Variants in DENND1A observed in about 807,000 individuals in gnomAD.
The protein encoded by DENND1A is DENN domain-containing protein 1A.
In DENND1A, 51 loss-of-function variants were observed where a neutral mutation model predicts 113.7. That is an observed-to-expected ratio of 0.45 (90% CI 0.36 to 0.57). The LOEUF (loss-of-function observed/expected upper bound fraction) is 0.57, where lower values mean the gene tolerates loss of function less well. DENND1A is among the 20% of genes least tolerant of loss of function. DENND1A has a pLI of 0.00. For synonymous variants in DENND1A, 565 were observed against 570.8 expected (o/e 0.99, Z 0.14); for missense variants, 1,258 against 1,395.9 (o/e 0.90, Z 1.57).
intron 1 of DENND1A, among the ~76,000 whole-genome samples, chr9:123,888,049 A>G (rs919345866): frequency 2.0e-5 from 3 of 152,210 alleles, no homozygotes; most frequent in Non-Finnish European, 1.5e-5. Context: ...CCCAACAGCA[A>G]TGAGCACACC....
chr9:123,824,019 C>G (rs370181994), intron 2 of DENND1A, among the ~76,000 whole-genome samples: 41 of 152,294 alleles, frequency 2.7e-4, no homozygotes, highest in African/African-American at 8.9e-4. Context: ...AACATCAGAA[C>G]TGAAATCTGG....
chr9:123,750,277 C>T lies in DENND1A; in HGVS notation c.302+7426G>A, dbSNP rs2131291762. 3.3e-5 allele frequency among the ~76,000 whole-genome samples: 5 copies of T among 152,316 alleles called. No individual in the cohort carries two copies. In the South Asian group the frequency reaches 1.0e-3, roughly 32 times the overall value. On this transcript the variant is annotated intron_variant, in intron 5 of 23. Transcript: ENST00000394215. ...TTACTATTGTTGAGTTGTGGCTCCCCAGAGGATTATATATGTTTCTAAGTA... is the reference window on the plus strand; with the variant it reads ...TTACTATTGTTGAGTTGTGGCTCCCTAGAGGATTATATATGTTTCTAAGTA...
chr9:123,608,304 AGT>A (rs2060261305), intron 11 of DENND1A, among the ~76,000 whole-genome samples: 1 of 152,224 alleles, frequency 6.6e-6, no homozygotes, highest in African/African-American at 2.4e-5. Context: ...ACAATAGCAC[AGT>A]GTGCAACAGT....
intron 3 of DENND1A, among the ~76,000 whole-genome samples, chr9:123,777,247 G>A (rs1223280602): frequency 6.6e-6 from 1 of 152,164 alleles, no homozygotes; most frequent in African/African-American, 2.4e-5. Flanking sequence ...TGGAGTATTG[G>A]AAGCCCCAGC....
intron 13 of DENND1A, among the ~76,000 whole-genome samples, chr9:123,521,376 T>C (rs2054381710): frequency 6.6e-6 from 1 of 152,318 alleles, no homozygotes; most frequent in South Asian, 2.1e-4. Context: ...TTTGGATTTT[T>C]ATCTTGGCTC....
chr9:123,508,670 T>C (rs2053181984), intron 13 of DENND1A, among the ~76,000 whole-genome samples: 1 of 152,220 alleles, frequency 6.6e-6, no homozygotes, highest in South Asian at 2.1e-4. Flanking sequence ...AAAGTGAACG[T>C]GGCATGAACA....
Position 123,764,382 on chromosome 9 carries a change from G to C in DENND1A, c.182+5132C>G, listed in dbSNP as rs1392154378. Reference sequence around the variant, plus strand: ...TAACAGACACTTTTCCTTTCCTTCAGTGCGTATGAGGCATGAGGCAGGAAT... The same window carrying C: ...TAACAGACACTTTTCCTTTCCTTCACTGCGTATGAGGCATGAGGCAGGAAT... On this transcript the variant is annotated intron_variant, in intron 4 of 23. Transcript: ENST00000394215. This position sits in a 1 kb window ranked among gnomAD's most constrained non-coding sequence, Gnocchi z 4.1. Among the ~76,000 whole-genome samples the C allele has an allele frequency of 6.6e-6, 1 of 152,158 alleles. No homozygotes were observed. The highest frequency in any genetic ancestry group is 6.5e-5 in the Admixed American group (1 of 15,274).
Position 123,637,797 on chromosome 9 carries a change from G to A in DENND1A, c.619-7321C>T, listed in dbSNP as rs2061781965. Among the ~76,000 whole-genome samples, 2 of 152,120 alleles carry A rather than the reference G, an allele frequency of 1.3e-5. 1 individual carries two copies. The highest frequency in any genetic ancestry group is 2.9e-5 in the Non-Finnish European group (2 of 68,002). Reference sequence around the variant, plus strand: ...TTCTTAGCAGCTGAAATGCAGGGCTGCTTTTCAGGGGGTAATGGCAACAAT... The same window carrying A: ...TTCTTAGCAGCTGAAATGCAGGGCTACTTTTCAGGGGGTAATGGCAACAAT... On this transcript the variant is annotated intron_variant, in intron 9 of 23. Coordinates refer to ENST00000394215, the MANE Select transcript of DENND1A (RefSeq NM_001352964.2).
chr9:123,382,093 C>A lies in DENND1A; in HGVS notation c.2552G>T (p.Ser851Ile). 6.5e-7 allele frequency: 1 copy of A among 1,546,916 alleles called. No individual in the cohort carries two copies. Among genetic ancestry groups the A allele is most frequent in the Non-Finnish European group, 8.7e-7 (1 of 1,147,828 alleles). The change falls in exon 24 of 24, where the codon AGC (serine) becomes ATC (isoleucine). Residue 851 changes from serine to isoleucine, a missense_variant. Ser to Ile is a moderately radical substitution (Grantham distance 142). Coordinates refer to ENST00000394215, the MANE Select transcript of DENND1A (RefSeq NM_001352964.2). ...DALLALLDPL[S>I]TAWSGSTLPS... ...GAGGGTGCTGCCTGACCAGGCTGTG[C>A]TGAGCGGGTCCAGGAGGGCGAGCAG...
intron 20 of DENND1A, among the ~76,000 whole-genome samples, chr9:123,408,160 C>G (rs1262263426): frequency 6.6e-6 from 1 of 152,164 alleles, no homozygotes; most frequent in Non-Finnish European, 1.5e-5. Flanking sequence ...TTTGTGGCTA[C>G]GTGACCCAGC....
At chr9:123,775,171 A>G (rs749310305) in intron 3 of DENND1A, among the ~76,000 whole-genome samples, 2 of 152,222 alleles carry the variant, frequency 1.3e-5, no homozygotes, top group Non-Finnish European at 2.9e-5. Flanking sequence ...TTATAAGGTC[A>G]GCATGAAATG....
intron 13 of DENND1A, among the ~76,000 whole-genome samples, chr9:123,470,558 C>T (rs2049325290): frequency 6.6e-6 from 1 of 152,162 alleles, no homozygotes; most frequent in Non-Finnish European, 1.5e-5. Flanking sequence ...CCTAGAGCAA[C>T]AGAATCTATC....
chr9:123,883,028 C>A (rs532357987), intron 1 of DENND1A, among the ~76,000 whole-genome samples: 1 of 152,346 alleles, frequency 6.6e-6, no homozygotes, highest in South Asian at 2.1e-4. Flanking sequence ...CAATGACCTT[C>A]TTTCTGCTCC....
At chr9:123,801,153 T>A (rs1487818568) in intron 2 of DENND1A, among the ~76,000 whole-genome samples, 1 of 152,226 alleles carries the variant, frequency 6.6e-6, no homozygotes, top group Non-Finnish European at 1.5e-5. Flanking sequence ...ACTTTTGTTG[T>A]TGTAGTAAAA....
At chr9:123,750,862 G>A (rs751044567) in intron 5 of DENND1A, among the ~76,000 whole-genome samples, 1 of 152,126 alleles carries the variant, frequency 6.6e-6, no homozygotes, top group Non-Finnish European at 1.5e-5. Flanking sequence ...GTACCCTCGG[G>A]CGAGACAACC....
intron 13 of DENND1A, among the ~76,000 whole-genome samples, chr9:123,525,114 G>T (rs2054712914): frequency 6.6e-6 from 1 of 152,202 alleles, no homozygotes; most frequent in South Asian, 2.1e-4. Context: ...CTCCGAAAAA[G>T]GAGGAGACGT....
chr9:123,456,393 A>T (rs1474271672), intron 15 of DENND1A, among the ~76,000 whole-genome samples: 1 of 152,242 alleles, frequency 6.6e-6, no homozygotes, highest in African/African-American at 2.4e-5. Flanking sequence ...GGGATTCAGG[A>T]GGTAGACTCA....
At chr9:123,497,439 C>A (rs1443318100) in intron 13 of DENND1A, among the ~76,000 whole-genome samples, 1 of 152,112 alleles carries the variant, frequency 6.6e-6, no homozygotes, top group Non-Finnish European at 1.5e-5. Flanking sequence ...CAGCTCAGCT[C>A]CCCAAGTAGC....
At chr9:123,633,897 T>C (rs545278446) in intron 9 of DENND1A, among the ~76,000 whole-genome samples, 3 of 152,356 alleles carry the variant, frequency 2.0e-5, no homozygotes, top group Admixed American at 6.5e-5. Flanking sequence ...TTCAATCATA[T>C]GCCTACTCTC....
Sources: allele counts gnomAD v4.1 joint callset (sites outside exome capture counted in the v4.1 genomes callset), GRCh38; gene constraint gnomAD v4.1.1; non-coding constraint Gnocchi (gnomAD v3.1); transcripts MANE v1.5; gene names NCBI Gene and HGNC (gene_info 2026-07-23, HGNC 2026-07-21).